The following LINGO2 variants were observed in gnomAD, a reference collection of about 807,000 sequenced individuals.
LINGO2 encodes the protein leucine rich repeat and Ig domain containing 2.
Under a neutral mutation model 30.6 loss-of-function variants are expected in LINGO2, and 14 were observed. The ratio of observed to expected loss-of-function variants is 0.46; its 90% CI spans 0.30 to 0.72. LINGO2 has a LOEUF of 0.72. Among genes scored for constraint, LINGO2 ranks in the 30% least tolerant of loss-of-function variants. The pLI is 0.07. For missense variants in LINGO2, 729 were observed against 751.7 expected (o/e 0.97, Z 0.35); for synonymous variants, 317 against 288.5 (o/e 1.10, Z -1.00).
intron 4 of LINGO2, among the ~76,000 whole-genome samples, chr9:28,260,648 A>G (rs1165568244): frequency 2.0e-5 from 3 of 151,912 alleles, no homozygotes; most frequent in Non-Finnish European, 4.4e-5. Flanking sequence ...AGAGAGTCCT[A>G]CGTATGTAGC....
chr9:28,409,362 C>T (rs1822653426), intron 2 of LINGO2, among the ~76,000 whole-genome samples: 3 of 151,964 alleles, frequency 2.0e-5, no homozygotes, highest in African/African-American at 7.2e-5. Context: ...AAATCAGATC[C>T]ATCCTATCCA....
Position 28,354,669 on chromosome 9 carries a change from C to T in LINGO2, c.-246+18167G>A, listed in dbSNP as rs563830082. On this transcript the variant is annotated intron_variant, in intron 3 of 5. Coordinates refer to ENST00000379992, the Ensembl canonical transcript of LINGO2. ...CCCTTAAACACAACAACCCTGTACACATTTTTTCTCCTTGTTTGACCAATA... is the reference window on the plus strand; with the variant it reads ...CCCTTAAACACAACAACCCTGTACATATTTTTTCTCCTTGTTTGACCAATA... Among the ~76,000 whole-genome samples the T allele has an allele frequency of 2.6e-5, 4 of 152,310 alleles. No homozygotes were observed. In the South Asian group the frequency reaches 8.3e-4, roughly 32 times the overall value.
chr9:28,299,735 G>A (rs1036193798), intron 3 of LINGO2, among the ~76,000 whole-genome samples: 10 of 152,030 alleles, frequency 6.6e-5, no homozygotes, highest in East Asian at 3.9e-4. Context: ...GTGCTGTACC[G>A]TATTAACTCA....
chr9:29,201,618 A>G, the LINGO2 span, among the ~76,000 whole-genome samples: 1 of 151,760 alleles, frequency 6.6e-6, no homozygotes, highest in African/African-American at 2.4e-5. Context: ...AATCCAATAG[A>G]AAGAGATTTC....
At chr9:28,396,476 A>C (rs1029487421) in intron 2 of LINGO2, among the ~76,000 whole-genome samples, 1 of 152,026 alleles carries the variant, frequency 6.6e-6, no homozygotes, top group African/African-American at 2.4e-5. Flanking sequence ...AGGCCGAGGC[A>C]GGCGGATCAC....
At chr9:28,527,297 C>T (rs771121779) in intron 1 of LINGO2, among the ~76,000 whole-genome samples, 6 of 152,118 alleles carry the variant, frequency 3.9e-5, no homozygotes, top group Non-Finnish European at 7.4e-5. Context: ...TCTTCTGTTT[C>T]TGTCTGTAGT....
At chr9:29,161,512 A>G in the LINGO2 span, among the ~76,000 whole-genome samples, 1 of 152,220 alleles carries the variant, frequency 6.6e-6, no homozygotes, top group African/African-American at 2.4e-5. Flanking sequence ...CTGTAGATAA[A>G]TAAGTGTGTT....
the LINGO2 span, among the ~76,000 whole-genome samples, chr9:29,140,596 G>A: frequency 6.7e-6 from 1 of 148,238 alleles, no homozygotes; most frequent in East Asian, 2.1e-4. Context: ...AGGGAAAGGG[G>A]AAGAAAACTT....
intron 3 of LINGO2, among the ~76,000 whole-genome samples, chr9:28,327,046 A>G (rs1421201142): frequency 6.6e-6 from 1 of 152,136 alleles, no homozygotes; most frequent in Non-Finnish European, 1.5e-5. Flanking sequence ...GGAAGTGATT[A>G]GGTCATGAGG....
At chr9:28,107,575 G>A (rs1337545512) in intron 4 of LINGO2, among the ~76,000 whole-genome samples, 4 of 152,084 alleles carry the variant, frequency 2.6e-5, no homozygotes, top group African/African-American at 9.7e-5. Flanking sequence ...AGTAATTACT[G>A]CTGCTTTAGT....
the LINGO2 span, among the ~76,000 whole-genome samples, chr9:29,185,457 C>T: frequency 7.0e-4 from 107 of 152,210 alleles, no homozygotes; most frequent in Non-Finnish European, 1.0e-3. Context: ...ATACTTTAAA[C>T]GCATTGCTTA....
chr9:28,935,695 TTC>T, the LINGO2 span, among the ~76,000 whole-genome samples: 1 of 72,632 alleles, frequency 1.4e-5, no homozygotes, highest in African/African-American at 4.5e-5. Context: ...AAATATAATG[TTC>T]TTTTTTTAAA....
intron 1 of LINGO2, among the ~76,000 whole-genome samples, chr9:28,649,455 C>T (rs1035586487): frequency 1.5e-4 from 23 of 152,052 alleles, no homozygotes; most frequent in African/African-American, 5.6e-4. Context: ...ATAGCTCATC[C>T]AGCATGTGGC....
At chr9:28,022,168 C>T (rs1217048162) in intron 4 of LINGO2, among the ~76,000 whole-genome samples, 2 of 151,946 alleles carry the variant, frequency 1.3e-5, no homozygotes, top group African/African-American at 4.8e-5. Flanking sequence ...ACATAATTCA[C>T]TAATAAAGTC....
chr9:29,107,739 T>A, the LINGO2 span, among the ~76,000 whole-genome samples: 1 of 152,114 alleles, frequency 6.6e-6, no homozygotes, highest in Non-Finnish European at 1.5e-5. Flanking sequence ...TGCCAATAGT[T>A]CATCTCAAGT....
chr9:28,939,093 G>T, the LINGO2 span, among the ~76,000 whole-genome samples: 1 of 152,126 alleles, frequency 6.6e-6, no homozygotes, highest in South Asian at 2.1e-4. Context: ...CCCTTTTATA[G>T]CTCCCTGAGA....
At chr9:28,144,639 G>T (rs1827762937) in intron 4 of LINGO2, among the ~76,000 whole-genome samples, 1 of 152,164 alleles carries the variant, frequency 6.6e-6, no homozygotes, top group Admixed American at 6.5e-5. Context: ...AGAGTTGAAA[G>T]TCTACTATGT....
intron 2 of LINGO2, among the ~76,000 whole-genome samples, chr9:28,401,005 A>G (rs1385991269): frequency 6.6e-6 from 1 of 152,104 alleles, no homozygotes; most frequent in Non-Finnish European, 1.5e-5. Flanking sequence ...ACTGCTCCTA[A>G]ACACCAATAA....
chr9:28,326,575 CCATGAGATGGTATGT>C (rs1825237150), intron 3 of LINGO2, among the ~76,000 whole-genome samples: 1 of 152,164 alleles, frequency 6.6e-6, no homozygotes, highest in Non-Finnish European at 1.5e-5. Context: ...CCTGGTTCTT[CCATGAGATGGTATGT>C]TCCATGAGAT....
Sources: allele counts gnomAD v4.1 joint callset (sites outside exome capture counted in the v4.1 genomes callset), GRCh38; gene constraint gnomAD v4.1.1; transcripts MANE v1.5; gene names NCBI Gene and HGNC (gene_info 2026-07-23, HGNC 2026-07-21).